ZMAT4: variants seen among roughly 807,000 people sequenced by gnomAD.
ZMAT4 encodes zinc finger matrin-type 4, also known as zinc finger matrin-type protein 4.
ZMAT4 carries 17 observed loss-of-function variants against 28.7 expected under a neutral mutation model. That is an observed-to-expected ratio of 0.59 (90% CI 0.41 to 0.89). The LOEUF is 0.89. Ranked by LOEUF, ZMAT4 falls within the 40% of genes least tolerant of loss-of-function variation. ZMAT4 has a pLI of 0.00. For synonymous variants in ZMAT4, 117 were observed against 109.2 expected, an observed-to-expected ratio of 1.07 and a Z score of -0.44; for missense variants, 240 against 283.8, an observed-to-expected ratio of 0.85 and a Z score of 1.11.
chr8:40,720,408 C>T (rs1811029807), intron 3 of ZMAT4, among the ~76,000 whole-genome samples: 1 of 152,144 alleles, frequency 6.6e-6, no homozygotes, highest in Non-Finnish European at 1.5e-5. Flanking sequence ...GCATTATCCC[C>T]TCCTCCTTGC....
chr8:40,869,556 A>G (rs1366678302), intron 1 of ZMAT4, among the ~76,000 whole-genome samples: 1 of 152,218 alleles, frequency 6.6e-6, no homozygotes, highest in African/African-American at 2.4e-5. Flanking sequence ...TCACAAGATT[A>G]TTAGAAGAAC....
intron 2 of ZMAT4, among the ~76,000 whole-genome samples, chr8:40,796,066 A>C (rs1814582090): frequency 6.6e-6 from 1 of 152,200 alleles, no homozygotes; most frequent in South Asian, 2.1e-4. Context: ...CCCTCCTCAG[A>C]ACAACCCAGC....
At chr8:40,818,645 T>C (rs979877690) in intron 2 of ZMAT4, among the ~76,000 whole-genome samples, 2 of 152,196 alleles carry the variant, frequency 1.3e-5, no homozygotes, top group African/African-American at 4.8e-5. Flanking sequence ...TTTACCCAGT[T>C]AGCACTTGCA....
At chr8:40,572,110 TG>T (rs1235915802) in intron 6 of ZMAT4, among the ~76,000 whole-genome samples, 4 of 152,290 alleles carry the variant, frequency 2.6e-5, no homozygotes, top group Non-Finnish European at 5.9e-5. Flanking sequence ...GAAGGTTCTT[TG>T]TGGTTCATGT....
chr8:40,686,769 G>A (rs528556878), intron 4 of ZMAT4, among the ~76,000 whole-genome samples: 3 of 152,260 alleles, frequency 2.0e-5, no homozygotes, highest in South Asian at 2.1e-4. Flanking sequence ...TTTACCTACA[G>A]TGAGAATGTT....
intron 3 of ZMAT4, among the ~76,000 whole-genome samples, chr8:40,730,857 G>T (rs1335283712): frequency 6.6e-6 from 1 of 152,150 alleles, no homozygotes; most frequent in Non-Finnish European, 1.5e-5. Flanking sequence ...TGGAACTCTG[G>T]AGTCCATTGA....
At chr8:40,801,405 C>A (rs561378335) in intron 2 of ZMAT4, among the ~76,000 whole-genome samples, 1 of 146,642 alleles carries the variant, frequency 6.8e-6, no homozygotes, top group Non-Finnish European at 1.5e-5. Flanking sequence ...CGGTGGCTCA[C>A]GCCTGTAATC....
chr8:40,855,136 C>G (rs1282854683), intron 1 of ZMAT4, among the ~76,000 whole-genome samples: 3 of 152,162 alleles, frequency 2.0e-5, no homozygotes, highest in African/African-American at 7.2e-5. Context: ...TTTCAAATGA[C>G]ACTAGACTTC....
At chr8:40,771,053 C>A (rs1194241576) in intron 2 of ZMAT4, among the ~76,000 whole-genome samples, 2 of 151,828 alleles carry the variant, frequency 1.3e-5, no homozygotes, top group Non-Finnish European at 2.9e-5. Context: ...TAAATAGGAA[C>A]AAAAAATTAG....
At chr8:40,884,960 A>C (rs1369462929) in intron 1 of ZMAT4, 1 of 152,170 alleles carries the variant, frequency 6.6e-6, no homozygotes, top group African/African-American at 2.4e-5. Context: ...GCTCTTTAAG[A>C]AAGAGTTTGC....
chr8:40,882,246 C>A (rs949009489), intron 1 of ZMAT4, among the ~76,000 whole-genome samples: 13 of 152,226 alleles, frequency 8.5e-5, no homozygotes, highest in African/African-American at 3.1e-4. Context: ...TATGAGAAAT[C>A]TATGTTTCTG....
At chr8:40,894,981 C>T (rs1378919477) in intron 1 of ZMAT4, among the ~76,000 whole-genome samples, 1 of 152,054 alleles carries the variant, frequency 6.6e-6, no homozygotes, top group Non-Finnish European at 1.5e-5. Flanking sequence ...ATGACAAGAT[C>T]AAAGTAGGTT....
rs1444315057 is a variant in ZMAT4, at chr8:40,758,636, GA to G, written c.192+9004del. ...AGCACACAAAAAAATTACTTATTAT[GA>G]AAAAAATACTAAATAGAAAGAAGAA... is the stretch of plus-strand genomic sequence containing the variant. On this transcript the variant is annotated intron_variant, in intron 3 of 6. Transcript: ENST00000297737. Among the ~76,000 whole-genome samples the G allele has an allele frequency of 5.3e-5, 8 of 152,166 alleles. No individual in the cohort carries two copies. The South Asian group carries it at 6.2e-4, about 12-fold the overall frequency.
intron 5 of ZMAT4, among the ~76,000 whole-genome samples, chr8:40,596,576 G>A (rs1375185136): frequency 6.6e-6 from 1 of 152,076 alleles, no homozygotes; most frequent in Non-Finnish European, 1.5e-5. Context: ...GGATCATCAG[G>A]ACATCACTAG....
intron 3 of ZMAT4, among the ~76,000 whole-genome samples, chr8:40,710,623 A>G (rs1443003333): frequency 3.4e-4 from 49 of 143,868 alleles, no homozygotes; most frequent in African/African-American, 6.8e-4. Flanking sequence ...TGTGGGGGGA[A>G]AAAAAAAAAG....
intron 5 of ZMAT4, among the ~76,000 whole-genome samples, chr8:40,636,854 C>A (rs1288262841): frequency 2.0e-5 from 3 of 152,118 alleles, no homozygotes; most frequent in Non-Finnish European, 4.4e-5. Flanking sequence ...GACACAATTG[C>A]CAACTTTTAA....
chr8:40,742,275 C>T (rs1352432658), intron 3 of ZMAT4, among the ~76,000 whole-genome samples: 1 of 151,138 alleles, frequency 6.6e-6, no homozygotes, highest in African/African-American at 2.4e-5. Flanking sequence ...CAGAATATTA[C>T]TGATAATGTA....
At chr8:40,778,137 TAAAC>T (rs1813683438) in intron 2 of ZMAT4, among the ~76,000 whole-genome samples, 2 of 152,306 alleles carry the variant, frequency 1.3e-5, no homozygotes, top group African/African-American at 4.8e-5. Flanking sequence ...TTGGATTAAC[TAAAC>T]AAACAAAATT....
intron 3 of ZMAT4, 74 bp from the exon 4 acceptor site, chr8:40,697,475 C>G (rs12546561): frequency 0.41 from 549,971 of 1,341,098 alleles, 115,120 homozygotes; most frequent in Non-Finnish European, 0.43. Flanking sequence ...CTTACCCAGA[C>G]GAACTAGTGT....
Sources: gnomAD v4.1 joint callset for allele counts (sites outside exome capture counted in the v4.1 genomes callset) on GRCh38, gnomAD v4.1.1 for gene constraint, MANE v1.5 for transcripts, NCBI Gene and HGNC (gene_info 2026-07-23, HGNC 2026-07-21) for gene names.